The following ITGA1 variants were observed in gnomAD, a reference collection of about 807,000 sequenced individuals.
The protein encoded by ITGA1 is integrin subunit alpha 1.
A neutral mutation model predicts 145.9 loss-of-function variants in ITGA1; 85 were observed. The observed-to-expected ratio is 0.58, with a 90% CI of 0.49 to 0.70. The LOEUF is 0.70. Among genes scored for constraint, ITGA1 ranks in the 30% least tolerant of loss-of-function variants. ITGA1 has a pLI of 0.00. For synonymous variants in ITGA1, 520 were observed against 495.3 expected, an observed-to-expected ratio of 1.05 and a Z score of -0.66; for missense variants, 1,351 against 1,418.7, an observed-to-expected ratio of 0.95 and a Z score of 0.77.
chr5:52,881,991 C>A lies in ITGA1; in HGVS notation c.743C>A (p.Thr248Asn). ...ATAGTCCAGAGAGGTGGCCGCCAGACTATGACAGCTCTTGGAATAGACACA... is the reference window on the plus strand; with the variant it reads ...ATAGTCCAGAGAGGTGGCCGCCAGAATATGACAGCTCTTGGAATAGACACA... ...KKIVQRGGRQ[T>N]MTALGIDTAR... The change falls in exon 7 of 29, where the codon ACT becomes AAT. Residue 248 changes from threonine to asparagine, a missense_variant. By Grantham distance (65) the Thr-to-Asn change is moderately conservative. Transcript: ENST00000282588. 1.2e-6 allele frequency: 2 copies of A among 1,612,888 alleles called. No homozygotes were observed. Among genetic ancestry groups the A allele is most frequent in the Non-Finnish European group, 1.7e-6 (2 of 1,179,436 alleles).
intron 18 of ITGA1, among the ~76,000 whole-genome samples, chr5:52,925,024 G>A (rs939072109): frequency 6.6e-6 from 1 of 152,236 alleles, no homozygotes; most frequent in Non-Finnish European, 1.5e-5. Flanking sequence ...ACAAAAGCCA[G>A]TGCAAAGCAC....
intron 9 of ITGA1, among the ~76,000 whole-genome samples, 174 bp from the exon 10 acceptor site, chr5:52,897,280 AC>A (rs1365895229): frequency 2.6e-5 from 4 of 152,190 alleles, no homozygotes; most frequent in Non-Finnish European, 5.9e-5. Flanking sequence ...TCTGTCTTCT[AC>A]CCAGGCCTAC....
chr5:52,855,513 A>T (rs1208596688), intron 2 of ITGA1, among the ~76,000 whole-genome samples: 2 of 152,134 alleles, frequency 1.3e-5, no homozygotes, highest in Admixed American at 1.3e-4. Flanking sequence ...AGCACTAAGG[A>T]TGTGTTTGTG....
At chr5:52,877,808 T>C (rs147852330) in intron 6 of ITGA1, among the ~76,000 whole-genome samples, 60 of 152,244 alleles carry the variant, frequency 3.9e-4, no homozygotes, top group Admixed American at 1.4e-3. Context: ...CCAAGAACCC[T>C]TGTGGGCTGA....
At chr5:52,807,138 C>T (rs1157519611) in intron 1 of ITGA1, among the ~76,000 whole-genome samples, 1 of 152,144 alleles carries the variant, frequency 6.6e-6, no homozygotes, top group Non-Finnish European at 1.5e-5. Flanking sequence ...AAGCTTATTT[C>T]TATTTGGGTG....
chr5:52,852,548 T>C (rs1749446205), intron 2 of ITGA1, among the ~76,000 whole-genome samples: 1 of 152,144 alleles, frequency 6.6e-6, no homozygotes, highest in Non-Finnish European at 1.5e-5. Flanking sequence ...ATTTCTGTAC[T>C]GGCTCATTGG....
chr5:52,800,544 G>A (rs1291200199), intron 1 of ITGA1: 1 of 1,614,006 alleles, frequency 6.2e-7, no homozygotes, highest in Non-Finnish European at 8.5e-7. Flanking sequence ...TACAGACAGA[G>A]TCCTCCACGG....
intron 1 of ITGA1, among the ~76,000 whole-genome samples, chr5:52,810,052 C>A (rs1245828489): frequency 1.3e-5 from 2 of 152,220 alleles, no homozygotes; most frequent in East Asian, 3.9e-4. Context: ...GTCTCCTCTG[C>A]ATTTCTTACA....
At chr5:52,843,934 T>G (rs570230254) in intron 1 of ITGA1, among the ~76,000 whole-genome samples, 1 of 152,126 alleles carries the variant, frequency 6.6e-6, no homozygotes, top group African/African-American at 2.4e-5. Context: ...TAGCTCAATA[T>G]CATTACTGTT....
intron 11 of ITGA1, chr5:52,905,497 A>G (rs1561243583): frequency 1.2e-5 from 3 of 250,510 alleles, no homozygotes; most frequent in Admixed American, 5.1e-5. Flanking sequence ...TATGTGTGTC[A>G]TCATTGTTAT....
In ITGA1 at chr5:52,905,765, T is replaced by G; in HGVS notation, c.1312T>G (p.Tyr438Asp). 1 of 1,612,704 alleles carries G rather than the reference T, an allele frequency of 6.2e-7. No homozygotes were observed. The highest frequency in any genetic ancestry group is 8.5e-7 in the Non-Finnish European group (1 of 1,179,222). Reference sequence around the variant, plus strand: ...ACCTGGAATCTTTCTTTTGTTAGGTTACACTGTAAACTCTGCTACTGCTTC... The same window carrying G: ...ACCTGGAATCTTTCTTTTGTTAGGTGACACTGTAAACTCTGCTACTGCTTC... ...KNEPLASYLG[Y>D]TVNSATASSG... The change falls in exon 12 of 29, where the codon TAC (tyrosine) becomes GAC (aspartate). Residue 438 changes from tyrosine to aspartate, a missense_variant and splice_region_variant. Physicochemically the swap from Tyr to Asp is radical, Grantham distance 160. Transcript: ENST00000282588.
intron 9 of ITGA1, among the ~76,000 whole-genome samples, chr5:52,896,339 G>A (rs1750223337): frequency 6.6e-6 from 1 of 152,156 alleles, no homozygotes; most frequent in African/African-American, 2.4e-5. Context: ...GCAGATAAGT[G>A]AGAAAACACC....
chr5:52,877,269 G>A (rs1749882270), intron 6 of ITGA1, among the ~76,000 whole-genome samples: 1 of 152,168 alleles, frequency 6.6e-6, no homozygotes, highest in Non-Finnish European at 1.5e-5. Context: ...TGTGAAGAGA[G>A]TGGAAATGAA....
Position 52,952,911 on chromosome 5 carries a change from T to G in ITGA1, c.*460T>G, listed in dbSNP as rs549097416. ...CAAGAAAAGAATTACCTGAAAAAGA[T>G]CATTTCTCCCTATTCAAATGAGAAT... On this transcript the variant is annotated 3_prime_UTR_variant, in exon 29 of 29. Transcript: ENST00000282588. 6.6e-6 allele frequency: 1 copy of G among 152,298 alleles called. No homozygotes were observed. The highest frequency in any genetic ancestry group is 2.4e-5 in the African/African-American group (1 of 41,464). The allele number at this position is 152,298 out of a possible 1,614,324, so 9.4% of individuals were successfully genotyped here. A position where few individuals can be genotyped will look rare whatever the true frequency, so the allele number is the denominator to read the frequency against.
At position 52,945,009 on chromosome 5, in the gene ITGA1, T is replaced by C. The variant is rs1751113485; in HGVS notation, c.3352T>C (p.Leu1118=). The C allele has an allele frequency of 6.2e-7, 1 of 1,613,116 alleles. No individual in the cohort carries two copies. Among genetic ancestry groups the C allele is most frequent in the Non-Finnish European group, 8.5e-7 (1 of 1,179,568 alleles). The stretch of plus-strand genomic sequence containing the variant: ...TCGGAGTGAAAATGCATCTCTGGTT[T>C]TAAGTAGCAGCAATCAAAAAAGAGA... ...ELRSENASLV[L]SSSNQKRELA... is the part of the protein sequence containing the mutation. The change falls in exon 27 of 29, where the codon TTA becomes CTA. Residue 1118 remains leucine, a synonymous_variant. Coordinates refer to ENST00000282588, the MANE Select transcript of ITGA1 (RefSeq NM_181501.2).
In ITGA1 at chr5:52,929,667, A is replaced by G. The variant is rs1750866836; in HGVS notation, c.2737A>G (p.Met913Val). The change falls in exon 21 of 29, where the codon ATG (methionine) becomes GTG (valine). Residue 913 changes from methionine (M) to valine (V), a missense_variant. Physicochemically the swap from Met to Val is conservative, Grantham distance 21. Transcript: ENST00000282588. ...ILFQFNTSYL[M>V]ENVTIYLSAT... is the part of the protein sequence containing the mutation. ...GTTTCAGTTTAACACATCCTATCTC[A>G]TGGAAAATGTGACCATTTATTTAAG... 5.1e-6 allele frequency: 8 copies of G among 1,581,344 alleles called. No homozygotes were observed. Among genetic ancestry groups the G allele is most frequent in the Non-Finnish European group, 6.9e-6 (8 of 1,153,266 alleles).
At chr5:52,852,731 C>A (rs1749448092) in intron 2 of ITGA1, among the ~76,000 whole-genome samples, 1 of 152,140 alleles carries the variant, frequency 6.6e-6, no homozygotes, top group South Asian at 2.1e-4. Flanking sequence ...AAAACAAAGA[C>A]TGATTTTGCA....
rs1181475309 is a variant in ITGA1 at position 52,933,972 on chromosome 5, A to G, written c.2940A>G (p.Gly980=). The G allele has an allele frequency of 1.4e-6, 2 of 1,475,932 alleles. No homozygotes were observed. Among genetic ancestry groups the G allele is most frequent in the African/African-American group, 1.4e-5 (1 of 71,390 alleles). 91.4% of individuals were successfully genotyped at this position (1,475,932 alleles called of 1,614,324 possible). A position where few individuals can be genotyped will look rare whatever the true frequency, so the allele number is the denominator to read the frequency against. Reference sequence around the variant, plus strand: ...TTATTAATTCTACTGAGGACATTGGAAATGAAATTAATATCTTCTACTTGG... The same window carrying G: ...TTATTAATTCTACTGAGGACATTGGGAATGAAATTAATATCTTCTACTTGG... ...PEVINSTEDI[G]NEINIFYLIR... Residue 980 remains glycine (G), a synonymous_variant, in exon 23 of 29, where the codon GGA becomes GGG. Transcript: ENST00000282588.
At chr5:52,917,993 G>T (rs370598007) in intron 15 of ITGA1, among the ~76,000 whole-genome samples, 17 of 152,098 alleles carry the variant, frequency 1.1e-4, no homozygotes, top group African/African-American at 4.1e-4. Flanking sequence ...TGCAGTAATT[G>T]TTCCGGCTTG....
Sources: allele counts gnomAD v4.1 joint callset (sites outside exome capture counted in the v4.1 genomes callset), GRCh38; gene constraint gnomAD v4.1.1; transcripts MANE v1.5; gene names NCBI Gene and HGNC (gene_info 2026-07-23, HGNC 2026-07-21).